Variants in DENND5B observed in about 807,000 individuals in gnomAD.
DENND5B encodes DENN domain-containing protein 5B.
In DENND5B, 34 loss-of-function variants were observed where a neutral mutation model predicts 140.6. The ratio of observed to expected loss-of-function variants is 0.24; its 90% CI spans 0.18 to 0.32. The LOEUF (loss-of-function observed/expected upper bound fraction) is 0.32, where lower values mean the gene tolerates loss of function less well. Among genes scored for constraint, DENND5B ranks in the 10% least tolerant of loss-of-function variants. The probability of loss-of-function intolerance (pLI) is 1.00; values close to 1 mark genes in which losing one functional copy is unlikely to be tolerated. For synonymous variants in DENND5B, 551 were observed against 562.1 expected, an observed-to-expected ratio of 0.98 and a Z score of 0.28; for missense variants, 1,142 against 1,560.2, an observed-to-expected ratio of 0.73 and a Z score of 4.52.
In DENND5B at chr12:31,409,335, G is replaced by T; in HGVS notation, c.2731C>A (p.Gln911Lys). 6.4e-7 allele frequency: 1 copy of T among 1,564,408 alleles called. No individual in the cohort carries two copies. The highest frequency in any genetic ancestry group is 8.7e-7 in the Non-Finnish European group (1 of 1,153,982). ...AGAGAAAGAAGGTGGTAAAGAAACT[G>T]CTCTCTTTCTTCTTCGCAACGTAGA... The part of the protein sequence containing the change: ...AFLRCEEERE[Q>K]FLYHLLSLNA... Residue 911 changes from glutamine to lysine, a missense_variant, in exon 14 of 21, where the codon CAG becomes AAG. Around this residue, in one of 5 missense-constraint regions of DENND5B, gnomAD observed 268 missense variants for 349.2 expected, o/e 0.77. Coordinates refer to ENST00000389082, the MANE Select transcript of DENND5B (RefSeq NM_144973.4).
chr12:31,578,367 T>A (rs998927899), intron 1 of DENND5B, among the ~76,000 whole-genome samples: 2 of 152,194 alleles, frequency 1.3e-5, no homozygotes, highest in Non-Finnish European at 2.9e-5. Context: ...ACAAAATAGT[T>A]TTCTAGAGGA....
chr12:31,407,539 C>A (rs1309280217), intron 14 of DENND5B, among the ~76,000 whole-genome samples: 1 of 152,244 alleles, frequency 6.6e-6, no homozygotes, highest in African/African-American at 2.4e-5. Context: ...TTCCAATTCC[C>A]TTTTCCTTTG....
Position 31,505,275 on chromosome 12 carries a change from G to T in DENND5B, c.128-9356C>A, listed in dbSNP as rs189240950. On this transcript the variant is annotated intron_variant, in intron 1 of 20. Coordinates refer to ENST00000389082, the MANE Select transcript of DENND5B (RefSeq NM_144973.4). The stretch of plus-strand genomic sequence containing the variant: ...TTTTTTTGAGACAGAGTCTTACTCT[G>T]TCACCCAGGCTAGAGTGTGACGTTG... 1.8e-3 allele frequency among the ~76,000 whole-genome samples: 249 copies of T among 138,466 alleles called. 3 individuals carry two copies. The highest frequency in any genetic ancestry group is 6.5e-3 in the African/African-American group (240 of 36,698). 90.8% of individuals were successfully genotyped at this position (138,466 alleles called of 152,430 possible).
chr12:31,508,704 G>C (rs1947299207), intron 1 of DENND5B, among the ~76,000 whole-genome samples: 1 of 152,210 alleles, frequency 6.6e-6, no homozygotes, highest in African/African-American at 2.4e-5. Context: ...CTCTGCGTTA[G>C]TGTGTGGCCT....
At chr12:31,478,938 G>A (rs556415331) in intron 3 of DENND5B, among the ~76,000 whole-genome samples, 2 of 152,164 alleles carry the variant, frequency 1.3e-5, no homozygotes, top group East Asian at 3.9e-4. Context: ...TGTGTTGGAA[G>A]AACTTTGAAT....
chr12:31,404,636 T>C (rs1440913961), intron 14 of DENND5B, among the ~76,000 whole-genome samples: 2 of 151,810 alleles, frequency 1.3e-5, no homozygotes, highest in African/African-American at 2.4e-5. Flanking sequence ...GTACTTTTAG[T>C]AGAGAAGGGG....
At chr12:31,406,775 G>C (rs573641399) in intron 14 of DENND5B, among the ~76,000 whole-genome samples, 125 of 152,230 alleles carry the variant, frequency 8.2e-4, no homozygotes, top group Non-Finnish European at 1.2e-3. Flanking sequence ...CAGATATAAG[G>C]AGGATTTTAG....
intron 7 of DENND5B, among the ~76,000 whole-genome samples, chr12:31,436,258 C>T (rs1943750897): frequency 6.6e-6 from 1 of 151,860 alleles, no homozygotes; most frequent in Non-Finnish European, 1.5e-5. Flanking sequence ...TGCCACCAAA[C>T]CCAGCTAATT....
intron 13 of DENND5B, among the ~76,000 whole-genome samples, chr12:31,410,139 A>G (rs793152): frequency 0.93 from 141,173 of 152,238 alleles, 65,917 homozygotes; most frequent in East Asian, 0.99. Flanking sequence ...CAGTGTTGAC[A>G]AGGAAGAAAT....
chr12:31,412,667 A>T (rs1002799969), intron 13 of DENND5B, among the ~76,000 whole-genome samples: 1 of 152,172 alleles, frequency 6.6e-6, no homozygotes, highest in Non-Finnish European at 1.5e-5. Flanking sequence ...CCATGGCCCA[A>T]GGGCTGGGAA....
chr12:31,448,017 T>C (rs1304202924), intron 5 of DENND5B, among the ~76,000 whole-genome samples: 1 of 152,146 alleles, frequency 6.6e-6, no homozygotes, highest in Non-Finnish European at 1.5e-5. Flanking sequence ...ATGACCATTA[T>C]GTAGCAAAGA....
intron 7 of DENND5B, among the ~76,000 whole-genome samples, chr12:31,439,607 G>C (rs1943933687): frequency 6.6e-6 from 1 of 150,436 alleles, no homozygotes; most frequent in South Asian, 2.1e-4. Context: ...TTTGCCAAAT[G>C]AATGAATGAA....
At chr12:31,402,689 C>A in intron 14 of DENND5B, 46 bp from the exon 15 acceptor site, 1 of 1,550,848 alleles carries the variant, frequency 6.4e-7, no homozygotes, top group Non-Finnish European at 8.7e-7. Context: ...GAATAAAATT[C>A]TCCTTATAAC....
chr12:31,585,766 G>T (rs540160575), intron 1 of DENND5B, among the ~76,000 whole-genome samples: 1 of 152,120 alleles, frequency 6.6e-6, no homozygotes, highest in Non-Finnish European at 1.5e-5. Context: ...CCGTCTCTAC[G>T]CTCTTTTGAA....
intron 7 of DENND5B, among the ~76,000 whole-genome samples, chr12:31,434,355 A>G (rs554345467): frequency 6.6e-6 from 1 of 152,188 alleles, no homozygotes; most frequent in African/African-American, 2.4e-5. Context: ...TGCTAGTTCT[A>G]TAATAATCTT....
At chr12:31,551,594 T>G (rs1949063515) in intron 1 of DENND5B, among the ~76,000 whole-genome samples, 2 of 152,214 alleles carry the variant, frequency 1.3e-5, no homozygotes, top group African/African-American at 4.8e-5. Context: ...TTTCCAATTC[T>G]GTGAAGAAAG....
In DENND5B at chr12:31,591,014, G is replaced by T; in HGVS notation, c.-182C>A. 3 of 619,084 alleles carry T rather than the reference G, an allele frequency of 4.8e-6. No individual in the cohort carries two copies. Among genetic ancestry groups the T allele is most frequent in the Non-Finnish European group, 6.1e-6 (3 of 492,790 alleles). The allele number at this position is 619,084 out of a possible 1,614,324, so 38.3% of individuals were successfully genotyped here. A position where few individuals can be genotyped will look rare whatever the true frequency, so the allele number is the denominator to read the frequency against. On this transcript the variant is annotated 5_prime_UTR_variant, in exon 1 of 21. Transcript: ENST00000389082. ...CTCCTCGCTCGGCGCGGGGGAAGCG[G>T]CCGCGGGCTCGCGCGCGGCGGGTCC...
intron 8 of DENND5B, 116 bp downstream of exon 8, chr12:31,433,035 ATAAC>A: frequency 1.2e-6 from 1 of 858,464 alleles, no homozygotes; most frequent in Non-Finnish European, 1.8e-6. Context: ...ATTTTAAACT[ATAAC>A]TAAACAGTTT....
intron 1 of DENND5B, among the ~76,000 whole-genome samples, chr12:31,511,885 T>C (rs934994742): frequency 2.0e-5 from 3 of 150,224 alleles, no homozygotes; most frequent in Admixed American, 1.3e-4. Context: ...TAAACTAAAA[T>C]ATAATTTAAG....
Sources: allele counts gnomAD v4.1 joint callset (sites outside exome capture counted in the v4.1 genomes callset), GRCh38; gene constraint gnomAD v4.1.1; regional missense constraint gnomAD v4.1.1; transcripts MANE v1.5; gene names NCBI Gene and HGNC (gene_info 2026-07-23, HGNC 2026-07-21).